The following SLC15A2 variants were observed in gnomAD, a reference collection of about 807,000 sequenced individuals.
SLC15A2 encodes the protein kidney H(+)/peptide cotransporter.
SLC15A2 carries 77 observed loss-of-function variants against 95.5 expected under a neutral mutation model. The observed-to-expected ratio is 0.81, with a 90% CI of 0.67 to 0.97. The LOEUF (loss-of-function observed/expected upper bound fraction) is 0.97, where lower values mean the gene tolerates loss of function less well. Among genes scored for constraint, SLC15A2 ranks in the 50% least tolerant of loss-of-function variants. The pLI is 0.00. For synonymous variants in SLC15A2, 306 were observed against 306.9 expected, an observed-to-expected ratio of 1.00 and a Z score of 0.03; for missense variants, 893 against 874.4, an observed-to-expected ratio of 1.02 and a Z score of -0.27.
At chr3:121,919,015 G>T (rs551628411) in intron 7 of SLC15A2, among the ~76,000 whole-genome samples, 1 of 152,170 alleles carries the variant, frequency 6.6e-6, no homozygotes, top group African/African-American at 2.4e-5. Context: ...TTCTGTGTTG[G>T]GTGCGGCATC....
At chr3:121,909,934 C>A (rs1709728150) in intron 3 of SLC15A2, among the ~76,000 whole-genome samples, 1 of 152,036 alleles carries the variant, frequency 6.6e-6, no homozygotes, top group Non-Finnish European at 1.5e-5. Flanking sequence ...TTTAGTCCAT[C>A]AATTGGATAC....
chr3:121,897,422 CT>C lies in SLC15A2; in HGVS notation c.229del (p.Trp77GlyfsTer50). On this transcript the variant is annotated frameshift_variant, in exon 3 of 22. Transcript: ENST00000489711. LOFTEE classifies it high-confidence loss of function. ...LILYFLYFLH[W>X]NEDTSTSIYH... ...TCCTGTATTTCCTGTATTTCCTGCA[CT>C]GGAATGAAGATACCTCCACATCTAT... 6.2e-7 allele frequency: 1 copy of C among 1,614,060 alleles called. No individual in the cohort carries two copies. Among genetic ancestry groups the C allele is most frequent in the Non-Finnish European group, 8.5e-7 (1 of 1,179,966 alleles).
chr3:121,903,305 G>T (rs1334592130), intron 3 of SLC15A2, among the ~76,000 whole-genome samples: 1 of 152,158 alleles, frequency 6.6e-6, no homozygotes, highest in Non-Finnish European at 1.5e-5. Context: ...TAGGTTGCCT[G>T]TTCACTCTGA....
At chr3:121,928,608 A>T in intron 15 of SLC15A2, 53 bp downstream of exon 15, 1 of 1,559,106 alleles carries the variant, frequency 6.4e-7, no homozygotes, top group African/African-American at 1.4e-5. Context: ...ATTGATCTTG[A>T]TTTTTCCTTA....
Position 121,931,339 on chromosome 3 carries a change from A to T in SLC15A2, c.1665-300A>T, listed in dbSNP as rs184019756. On this transcript the variant is annotated intron_variant, in intron 18 of 21. Coordinates refer to ENST00000489711, the MANE Select transcript of SLC15A2 (RefSeq NM_021082.4). ...CTGTTATAGCCTGTTCTACTAAGTC[A>T]TAAGATTTGCATGAGGAAAATTCAC... Among the ~76,000 whole-genome samples, 133 of 152,374 alleles carry T rather than the reference A, an allele frequency of 8.7e-4. No homozygotes were observed. The Middle Eastern group carries it at 0.014, about 16-fold the overall frequency.
chr3:121,936,831 C>T (rs1217014910), intron 19 of SLC15A2, among the ~76,000 whole-genome samples: 4 of 138,162 alleles, frequency 2.9e-5, no homozygotes, highest in Admixed American at 7.3e-5. Flanking sequence ...TTATTTTGCT[C>T]GTTAGTTGAT....
intron 3 of SLC15A2, among the ~76,000 whole-genome samples, chr3:121,906,726 C>A (rs1350204321): frequency 6.6e-6 from 1 of 152,190 alleles, no homozygotes; most frequent in Non-Finnish European, 1.5e-5. Flanking sequence ...GGCGAGAGAT[C>A]CACTGTTAGT....
intron 3 of SLC15A2, among the ~76,000 whole-genome samples, 182 bp from the exon 4 acceptor site, chr3:121,911,392 C>T (rs1344635550): frequency 6.6e-6 from 1 of 152,064 alleles, no homozygotes; most frequent in Non-Finnish European, 1.5e-5. Flanking sequence ...ACTCCTTTTT[C>T]CTAGTCTGTT....
At position 121,943,189 on chromosome 3, in the gene SLC15A2, C is replaced by T. The variant is rs531998014; in HGVS notation, c.*2182C>T. The T allele has an allele frequency of 6.6e-6, 1 of 152,258 alleles. No individual in the cohort carries two copies. The highest frequency in any genetic ancestry group is 2.1e-4 in the South Asian group (1 of 4,814). The allele number at this position is 152,258 out of a possible 1,614,324, so 9.4% of individuals were successfully genotyped here. On this transcript the variant is annotated 3_prime_UTR_variant, in exon 22 of 22. Transcript: ENST00000489711. ...GCTGAAGCAGAAGAATTGCTTGAAC[C>T]CGGGAGGCAGAGGTTGCAATGAGCC...
intron 19 of SLC15A2, among the ~76,000 whole-genome samples, chr3:121,933,534 G>A (rs1364183664): frequency 1.3e-5 from 2 of 151,882 alleles, no homozygotes; most frequent in African/African-American, 2.4e-5. Flanking sequence ...ATTTTTTCAC[G>A]TGTTTTTTGG....
intron 3 of SLC15A2, among the ~76,000 whole-genome samples, chr3:121,904,090 G>A (rs951504774): frequency 2.0e-5 from 3 of 152,058 alleles, no homozygotes; most frequent in Non-Finnish European, 4.4e-5. Flanking sequence ...GGATTCCTAG[G>A]TATTTTTTTC....
chr3:121,900,234 T>C (rs1709495822), intron 3 of SLC15A2, among the ~76,000 whole-genome samples: 1 of 152,186 alleles, frequency 6.6e-6, no homozygotes, highest in South Asian at 2.1e-4. Context: ...TTCTCTACAT[T>C]CCCACCTTCA....
rs909096278 is a variant in SLC15A2, at chr3:121,943,254, G to T, written c.*2247G>T. On this transcript the variant is annotated 3_prime_UTR_variant, in exon 22 of 22. Transcript: ENST00000489711. ...ACACTCTAGCCTGGGGGACAAGAGT[G>T]AGACTTCATCTAAAAAAAAAAAGAA... The T allele has an allele frequency of 5.3e-5, 8 of 151,806 alleles. No individual in the cohort carries two copies. Among genetic ancestry groups the T allele is most frequent in the Non-Finnish European group, 1.2e-4 (8 of 67,964 alleles). The allele number at this position is 151,806 out of a possible 1,614,324, so 9.4% of individuals were successfully genotyped here. A position where few individuals can be genotyped will look rare whatever the true frequency, so the allele number is the denominator to read the frequency against.
chr3:121,925,731 T>C (rs1291641433), intron 13 of SLC15A2, among the ~76,000 whole-genome samples: 1 of 6,414 alleles, frequency 1.6e-4, no homozygotes, highest in African/African-American at 6.1e-4. Flanking sequence ...CTAGACTATA[T>C]ATATATATAT....
In SLC15A2 at chr3:121,940,866, G is replaced by T; in HGVS notation, c.2049G>T (p.Leu683=). The T allele has an allele frequency of 6.2e-7, 1 of 1,613,302 alleles. No individual in the cohort carries two copies. The highest frequency in any genetic ancestry group is 8.5e-7 in the Non-Finnish European group (1 of 1,179,808). The change falls in exon 22 of 22, where the codon CTG becomes CTT. Residue 683 remains leucine, a synonymous_variant. Coordinates refer to ENST00000489711, the MANE Select transcript of SLC15A2 (RefSeq NM_021082.4). ...AEFILFSCLL[L]VICLIFSIMG... ...TCATTTTGTTTTCCTGCCTCCTGCTGGTGATCTGCCTGATCTTCTCCATCA... is the reference window on the plus strand; with the variant it reads ...TCATTTTGTTTTCCTGCCTCCTGCTTGTGATCTGCCTGATCTTCTCCATCA...
intron 13 of SLC15A2, among the ~76,000 whole-genome samples, chr3:121,927,463 G>T (rs934350319): frequency 6.6e-6 from 1 of 152,106 alleles, no homozygotes; most frequent in African/African-American, 2.4e-5. Context: ...CCATCTCCTC[G>T]CTTGCTTCTG....
intron 7 of SLC15A2, among the ~76,000 whole-genome samples, chr3:121,921,581 A>AGGGATAACAATAACCATT (rs2107594861): frequency 6.6e-6 from 1 of 152,292 alleles, no homozygotes; most frequent in South Asian, 2.1e-4. Context: ...AATAGATGTT[A>AGGGATAACAATAACCATT]GGGATAACAA....
At position 121,943,236 on chromosome 3, in the gene SLC15A2, A is replaced by G. The variant is rs1710492068; in HGVS notation, c.*2229A>G. On this transcript the variant is annotated 3_prime_UTR_variant, in exon 22 of 22. Coordinates refer to ENST00000489711, the MANE Select transcript of SLC15A2 (RefSeq NM_021082.4). The stretch of plus-strand genomic sequence containing the variant: ...AGCCGAGATCACGCCATCACACTCT[A>G]GCCTGGGGGACAAGAGTGAGACTTC... The G allele has an allele frequency of 6.6e-6, 1 of 152,110 alleles. No homozygotes were observed. Among genetic ancestry groups the G allele is most frequent in the South Asian group, 2.1e-4 (1 of 4,822 alleles). The allele number at this position is 152,110 out of a possible 1,614,324, so 9.4% of individuals were successfully genotyped here.
At chr3:121,920,587 C>T (rs892759981) in intron 7 of SLC15A2, among the ~76,000 whole-genome samples, 1 of 152,148 alleles carries the variant, frequency 6.6e-6, no homozygotes, top group Non-Finnish European at 1.5e-5. Context: ...TGAGCCACCG[C>T]GCCCAGCCGT....
Sources: allele counts gnomAD v4.1 joint callset (sites outside exome capture counted in the v4.1 genomes callset), GRCh38; gene constraint gnomAD v4.1.1; transcripts MANE v1.5; gene names NCBI Gene and HGNC (gene_info 2026-07-23, HGNC 2026-07-21).